Variants in PHF11 observed in about 807,000 individuals in gnomAD.
The protein encoded by PHF11 is BRCA1 C-terminus-associated protein.
A neutral mutation model predicts 40.5 loss-of-function variants in PHF11; 38 were observed. That is an observed-to-expected ratio of 0.94 (90% CI 0.72 to 1.23). The LOEUF (loss-of-function observed/expected upper bound fraction) is 1.23. Among genes scored for constraint, PHF11 ranks in the 50% most tolerant of loss-of-function variants. The pLI, the probability that PHF11 is intolerant of heterozygous loss-of-function variation, is 0.00. For missense variants in PHF11, 369 were observed against 392.4 expected (o/e 0.94, Z 0.50); for synonymous variants, 127 against 138.2 (o/e 0.92, Z 0.57).
Position 49,524,727 on chromosome 13 carries a change from C to T in PHF11, c.769+511C>T, listed in dbSNP as rs144640717. Among the ~76,000 whole-genome samples, 22 of 152,178 alleles carry T rather than the reference C, an allele frequency of 1.4e-4. No individual in the cohort carries two copies. In the East Asian group the frequency reaches 1.9e-3, roughly 13 times the overall value. On this transcript the variant is annotated intron_variant, in intron 8 of 9. Transcript: ENST00000378319. ...CTGACCTCAGGTGATCCGTCCACCTCGGCCTCCCAAAGTGCTTGGATTACA... is the reference window on the plus strand; with the variant it reads ...CTGACCTCAGGTGATCCGTCCACCTTGGCCTCCCAAAGTGCTTGGATTACA...
chr13:49,524,577 C>T (rs994894572), intron 8 of PHF11, among the ~76,000 whole-genome samples: 4 of 151,604 alleles, frequency 2.6e-5, no homozygotes. Context: ...CAAGTTCAAG[C>T]GATTTTCCTG....
At chr13:49,501,305 G>A (rs185797863) in intron 1 of PHF11, among the ~76,000 whole-genome samples, 236 of 152,120 alleles carry the variant, frequency 1.6e-3, no homozygotes, top group African/African-American at 5.3e-3. Context: ...GAGCCACTAC[G>A]CCCAGCCCCA....
At chr13:49,522,233 T>A in intron 6 of PHF11, 126 bp downstream of exon 6, 1 of 538,454 alleles carries the variant, frequency 1.9e-6, no homozygotes, top group Middle Eastern at 3.1e-4. Flanking sequence ...AGAACATTCT[T>A]CATTTGTGTT....
At chr13:49,496,134 T>G (rs1213116545) in intron 1 of PHF11, 39 bp downstream of exon 1, 2 of 1,064,646 alleles carry the variant, frequency 1.9e-6, no homozygotes, top group Non-Finnish European at 2.4e-6. Context: ...CGGGCGGGGC[T>G]GGGCAGCGAC....
At position 49,518,145 on chromosome 13, in the gene PHF11, T is replaced by C; in HGVS notation, c.452T>C (p.Ile151Thr). 2 of 1,592,384 alleles carry C rather than the reference T, an allele frequency of 1.3e-6. No homozygotes were observed. The highest frequency in any genetic ancestry group is 1.7e-6 in the Non-Finnish European group (2 of 1,168,076). The change falls in exon 4 of 10, where the codon ATT (isoleucine) becomes ACT (threonine). Residue 151 changes from isoleucine (I) to threonine (T), a missense_variant. Transcript: ENST00000378319. ...CCACAGTCTGATGGAGTTCGAGGAA[T>C]TTATAAGTATTTAATAAAACATTTT... is the stretch of plus-strand genomic sequence containing the variant. ...AVPQSDGVRG[I>T]YKLLCQQHAQ...
Position 49,500,257 on chromosome 13 carries a change from C to T in PHF11, c.94+4162C>T, listed in dbSNP as rs547497013. On this transcript the variant is annotated intron_variant, in intron 1 of 9. Coordinates refer to ENST00000378319, the MANE Select transcript of PHF11 (RefSeq NM_001040443.3). ...CCCCCCTAGAAAGGAGCCTGGAAAGCCCTGCTGACTATTCTTGGTCCCAGC... is the reference window on the plus strand; with the variant it reads ...CCCCCCTAGAAAGGAGCCTGGAAAGTCCTGCTGACTATTCTTGGTCCCAGC... 3.9e-4 allele frequency among the ~76,000 whole-genome samples: 59 copies of T among 152,306 alleles called. No individual in the cohort carries two copies. The South Asian group carries it at 0.012, about 32-fold the overall frequency.
intron 1 of PHF11, among the ~76,000 whole-genome samples, chr13:49,499,833 T>A: frequency 6.6e-6 from 1 of 152,176 alleles, no homozygotes; most frequent in East Asian, 1.9e-4. Context: ...CCAGAACAAA[T>A]CTATACTGGA....
rs549864294 is a variant in PHF11 at position 49,514,427 on chromosome 13, C to T, written c.324+1261C>T. 2.0e-5 allele frequency among the ~76,000 whole-genome samples: 3 copies of T among 152,204 alleles called. No individual in the cohort carries two copies. In the South Asian group the frequency reaches 6.2e-4, roughly 32 times the overall value. ...GCTATCTTAGGCAGTGTACACAATA[C>T]TGTAGTAGGTCCTGAAGCAAGCCAT... On this transcript the variant is annotated intron_variant, in intron 3 of 9. Coordinates refer to ENST00000378319, the MANE Select transcript of PHF11 (RefSeq NM_001040443.3).
rs189067017 is a variant in PHF11 at position 49,523,349 on chromosome 13, C to T, written c.637+108C>T. On this transcript the variant is annotated intron_variant, in intron 7 of 9. Coordinates refer to ENST00000378319, the MANE Select transcript of PHF11 (RefSeq NM_001040443.3). ...CCGCCTAAATCTTTATTCTTCTAGGCTTGTGGTAATTAATGAGTATAAATC... is the reference window on the plus strand; with the variant it reads ...CCGCCTAAATCTTTATTCTTCTAGGTTTGTGGTAATTAATGAGTATAAATC... The T allele has an allele frequency of 2.8e-4, 200 of 716,336 alleles. No homozygotes were observed. The African/African-American group carries it at 3.3e-3, about 12-fold the overall frequency. 44.4% of individuals were successfully genotyped at this position (716,336 alleles called of 1,614,324 possible). A position where few individuals can be genotyped will look rare whatever the true frequency, so the allele number is the denominator to read the frequency against.
At chr13:49,500,625 G>A (rs1267412395) in intron 1 of PHF11, among the ~76,000 whole-genome samples, 2 of 152,202 alleles carry the variant, frequency 1.3e-5, no homozygotes, top group Non-Finnish European at 2.9e-5. Flanking sequence ...AAGACACTGT[G>A]ATATGGGGGG....
At chr13:49,501,140 A>C (rs1295120120) in intron 1 of PHF11, among the ~76,000 whole-genome samples, 1 of 151,266 alleles carries the variant, frequency 6.6e-6, no homozygotes, top group African/African-American at 2.4e-5. Context: ...CAGCCTCCCG[A>C]GTAGCGGGGA....
chr13:49,528,420 G>A, intron 9 of PHF11, 91 bp from the exon 10 acceptor site: 1 of 885,760 alleles, frequency 1.1e-6, no homozygotes, highest in Non-Finnish European at 1.7e-6. Flanking sequence ...TTGTGTATCT[G>A]TACCTGCAAG....
rs770143816 is a variant in PHF11 at position 49,506,712 on chromosome 13, T to G, written c.172T>G (p.Tyr58Asp). The change falls in exon 2 of 10, where the codon TAC (tyrosine) becomes GAC (aspartate). Residue 58 changes from tyrosine to aspartate, a missense_variant. Physicochemically the swap from Tyr to Asp is radical, Grantham distance 160 (BLOSUM62 -3). Transcript: ENST00000378319. ...CAAAGATGTCGAATATAATGTCCTATACTTTGCACAATCAGAGAATATAGC... is the reference window on the plus strand; with the variant it reads ...CAAAGATGTCGAATATAATGTCCTAGACTTTGCACAATCAGAGAATATAGC... ...CPKDVEYNVL[Y>D]FAQSENIAAH... The G allele has an allele frequency of 1.2e-6, 2 of 1,608,144 alleles. No individual in the cohort carries two copies. The highest frequency in any genetic ancestry group is 2.2e-5 in the South Asian group (2 of 90,868).
At chr13:49,511,327 CTTT>C (rs10627347) in intron 2 of PHF11, among the ~76,000 whole-genome samples, 1 of 125,870 alleles carries the variant, frequency 7.9e-6, no homozygotes. Context: ...TGTTCAATGG[CTTT>C]TTTTTTTTTT....
At chr13:49,521,874 CTTT>C in intron 5 of PHF11, 166 bp from the exon 6 acceptor site, 2 of 411,082 alleles carry the variant, frequency 4.9e-6, no homozygotes, top group Non-Finnish European at 9.0e-6. Context: ...CTTATAATAT[CTTT>C]TTTAAAAATT....
chr13:49,517,986 G>T, intron 3 of PHF11, 32 bp from the exon 4 acceptor site: 3 of 1,155,088 alleles, frequency 2.6e-6, no homozygotes, highest in Non-Finnish European at 3.7e-6. Context: ...CAACAAACAG[G>T]TACTTACTCA....
chr13:49,520,394 GA>G (rs1488456205), intron 4 of PHF11, among the ~76,000 whole-genome samples: 3 of 152,154 alleles, frequency 2.0e-5, no homozygotes, highest in Non-Finnish European at 4.4e-5. Context: ...CTTTCTCTTG[GA>G]AGATACTAAT....
chr13:49,525,446 C>A (rs1384973729), intron 8 of PHF11, among the ~76,000 whole-genome samples: 1 of 152,138 alleles, frequency 6.6e-6, no homozygotes, highest in Non-Finnish European at 1.5e-5. Context: ...TGGAGTTTCA[C>A]CATGTTGGCC....
At chr13:49,524,050 A>T (rs1202458810) in intron 7 of PHF11, 35 bp from the exon 8 acceptor site, 2 of 1,583,994 alleles carry the variant, frequency 1.3e-6, no homozygotes, top group Non-Finnish European at 1.7e-6. Flanking sequence ...CTGCCCTAAG[A>T]CTATTTCCTT....
Sources: gnomAD v4.1 joint callset for allele counts (sites outside exome capture counted in the v4.1 genomes callset) on GRCh38, gnomAD v4.1.1 for gene constraint, MANE v1.5 for transcripts, NCBI Gene and HGNC (gene_info 2026-07-23, HGNC 2026-07-21) for gene names.